The following SNRNP40 variants were observed in gnomAD, a reference collection of about 807,000 sequenced individuals.
SNRNP40 encodes small nuclear ribonucleoprotein U5 subunit 40, also known as U5 small nuclear ribonucleoprotein 40 kDa protein.
Under a neutral mutation model 45.8 loss-of-function variants are expected in SNRNP40, and 21 were observed. The ratio of observed to expected loss-of-function variants is 0.46; its 90% CI spans 0.32 to 0.66. The LOEUF (loss-of-function observed/expected upper bound fraction) is 0.66. SNRNP40 is among the 30% of genes least tolerant of loss of function. The pLI, the probability that SNRNP40 is intolerant of heterozygous loss-of-function variation, is 0.03. For synonymous variants in SNRNP40, 142 were observed against 163.8 expected (o/e 0.87, Z 1.01); for missense variants, 344 against 439.1 (o/e 0.78, Z 1.94).
intron 8 of SNRNP40, among the ~76,000 whole-genome samples, chr1:31,262,640 C>T (rs777437242): frequency 1.2e-4 from 18 of 150,284 alleles, no homozygotes; most frequent in African/African-American, 2.9e-4. Flanking sequence ...AGTTCATCAA[C>T]GGCGTAACTA....
intron 8 of SNRNP40, among the ~76,000 whole-genome samples, chr1:31,267,435 G>A (rs1429005148): frequency 6.6e-6 from 1 of 152,214 alleles, no homozygotes; most frequent in Non-Finnish European, 1.5e-5. Context: ...ATACTGCACA[G>A]AGCTTCATCT....
chr1:31,261,804 C>T, intron 8 of SNRNP40, 172 bp from the exon 9 acceptor site: 1 of 504,250 alleles, frequency 2.0e-6, no homozygotes, highest in Non-Finnish European at 3.5e-6. Flanking sequence ...GACATGGACT[C>T]ACCTCTTGAG....
chr1:31,285,866 G>T (rs1435081060), intron 4 of SNRNP40, among the ~76,000 whole-genome samples: 1 of 152,110 alleles, frequency 6.6e-6, no homozygotes, highest in Non-Finnish European at 1.5e-5. Flanking sequence ...TCTTTGGTAG[G>T]AATATCACAG....
At chr1:31,273,926 C>G (rs1645956019) in intron 5 of SNRNP40, among the ~76,000 whole-genome samples, 1 of 151,726 alleles carries the variant, frequency 6.6e-6, no homozygotes, top group Non-Finnish European at 1.5e-5. Flanking sequence ...GAAAATGAAG[C>G]ACCTGAGCAG....
chr1:31,268,286 G>GTTT (rs200339347), intron 7 of SNRNP40, among the ~76,000 whole-genome samples: 5 of 117,630 alleles, frequency 4.3e-5, no homozygotes, highest in Admixed American at 9.5e-5. Context: ...TAAATTTTGG[G>GTTT]TTTTTTTTTT....
chr1:31,282,705 TC>T (rs755763564), intron 4 of SNRNP40, among the ~76,000 whole-genome samples: 6 of 152,056 alleles, frequency 3.9e-5, no homozygotes, highest in Non-Finnish European at 8.8e-5. Context: ...GGACAGACTC[TC>T]CCTCTGTCAC....
At chr1:31,290,605 C>G (rs12409630) in intron 3 of SNRNP40, among the ~76,000 whole-genome samples, 4 of 152,050 alleles carry the variant, frequency 2.6e-5, no homozygotes, top group African/African-American at 4.8e-5. Flanking sequence ...TGGCCAGGTG[C>G]GGTGGCTCAC....
At chr1:31,289,915 C>T (rs897360294) in intron 3 of SNRNP40, among the ~76,000 whole-genome samples, 5 of 152,012 alleles carry the variant, frequency 3.3e-5, no homozygotes, top group African/African-American at 1.2e-4. Context: ...CTCTGTCACC[C>T]GGGTTGGAAT....
At chr1:31,263,976 A>G (rs1645878866) in intron 8 of SNRNP40, among the ~76,000 whole-genome samples, 1 of 151,660 alleles carries the variant, frequency 6.6e-6, no homozygotes, top group African/African-American at 2.4e-5. Context: ...ATTAAAGGGT[A>G]AAGTATAGAG....
At chr1:31,285,711 CAT>C (rs776094917) in intron 4 of SNRNP40, among the ~76,000 whole-genome samples, 3 of 152,200 alleles carry the variant, frequency 2.0e-5, no homozygotes, top group African/African-American at 4.8e-5. Context: ...AGTCTGGAAT[CAT>C]ATGTTAAATT....
chr1:31,261,894 C>T, intron 8 of SNRNP40: 2 of 298,134 alleles, frequency 6.7e-6, no homozygotes, highest in South Asian at 6.9e-5. Flanking sequence ...AAATGGGAAA[C>T]ACCACAGGGA....
chr1:31,290,688 T>C (rs985687438), intron 3 of SNRNP40, among the ~76,000 whole-genome samples: 3 of 151,596 alleles, frequency 2.0e-5, no homozygotes, highest in Non-Finnish European at 4.4e-5. Context: ...CCATCCTGGC[T>C]AACACGGTGA....
At chr1:31,271,712 T>C (rs1330958722) in intron 5 of SNRNP40, among the ~76,000 whole-genome samples, 1 of 152,010 alleles carries the variant, frequency 6.6e-6, no homozygotes, top group Non-Finnish European at 1.5e-5. Context: ...GGCACTATCA[T>C]GGCTCGCTGT....
rs751024280 is a variant in SNRNP40 at position 31,259,784 on chromosome 1, A to G, written c.*288T>C. The G allele has an allele frequency of 1.2e-4, 69 of 574,478 alleles. 1 individual carries two copies. The highest frequency in any genetic ancestry group is 8.2e-4 in the Middle Eastern group (3 of 3,660). The allele number at this position is 574,478 out of a possible 1,614,324, so 35.6% of individuals were successfully genotyped here. A position where few individuals can be genotyped will look rare whatever the true frequency, so the allele number is the denominator to read the frequency against. On this transcript the variant is annotated 3_prime_UTR_variant, in exon 10 of 10. Transcript: ENST00000263694. ...AAAAAAAAAAAAATCCCAACCAACA[A>G]ATTTGTCACATTGGGCCTGCATTAG...
intron 5 of SNRNP40, 46 bp downstream of exon 5, chr1:31,281,328 A>G (rs1360347128): frequency 6.6e-7 from 1 of 1,505,926 alleles, no homozygotes; most frequent in Middle Eastern, 1.8e-4. Flanking sequence ...TTCGTTTCTA[A>G]GTGCAGATAG....
chr1:31,271,994 C>T (rs1169000903), intron 5 of SNRNP40, among the ~76,000 whole-genome samples: 10 of 151,878 alleles, frequency 6.6e-5, no homozygotes, highest in Admixed American at 3.9e-4. Flanking sequence ...TAAATATAAA[C>T]GAATGCATAT....
intron 2 of SNRNP40, among the ~76,000 whole-genome samples, chr1:31,292,311 G>A (rs188891165): frequency 2.3e-4 from 35 of 152,284 alleles, no homozygotes; most frequent in African/African-American, 7.7e-4. Context: ...GCAGTGAGCC[G>A]AGATCGCGCC....
At chr1:31,280,819 G>A (rs991063248) in intron 5 of SNRNP40, among the ~76,000 whole-genome samples, 6 of 151,650 alleles carry the variant, frequency 4.0e-5, no homozygotes, top group Admixed American at 2.0e-4. Context: ...AGAAAAAGAG[G>A]CTTAAAGAAG....
At chr1:31,269,325 T>C (rs1645921298) in intron 6 of SNRNP40, 85 bp from the exon 7 acceptor site, 2 of 1,582,306 alleles carry the variant, frequency 1.3e-6, no homozygotes, top group South Asian at 2.3e-5. Flanking sequence ...ATTAGTATCA[T>C]GTCAATCAAT....
Sources: allele counts gnomAD v4.1 joint callset (sites outside exome capture counted in the v4.1 genomes callset), GRCh38; gene constraint gnomAD v4.1.1; transcripts MANE v1.5; gene names NCBI Gene and HGNC (gene_info 2026-07-23, HGNC 2026-07-21).